Variants in DTX1 observed in about 807,000 individuals in gnomAD.
DTX1 encodes the protein E3 ubiquitin-protein ligase DTX1.
In DTX1, 26 loss-of-function variants were observed where a neutral mutation model predicts 57.8. The observed-to-expected ratio is 0.45, with a 90% CI of 0.33 to 0.62. The LOEUF (loss-of-function observed/expected upper bound fraction) is 0.62, where lower values mean the gene tolerates loss of function less well. Ranked by LOEUF, DTX1 falls within the 20% of genes least tolerant of loss-of-function variation. The pLI is 0.02. For synonymous variants in DTX1, 398 were observed against 394.1 expected (o/e 1.01, Z -0.12); for missense variants, 704 against 895.3 (o/e 0.79, Z 2.73).
intron 3 of DTX1, among the ~76,000 whole-genome samples, chr12:113,086,381 G>A (rs113226560): frequency 7.2e-4 from 110 of 152,332 alleles, no homozygotes; most frequent in African/African-American, 2.6e-3. Context: ...GGCCAGTGTG[G>A]TTGGAGAGGC....
intron 3 of DTX1, among the ~76,000 whole-genome samples, chr12:113,080,221 G>A (rs531207256): frequency 1.3e-5 from 2 of 152,332 alleles, no homozygotes; most frequent in East Asian, 3.9e-4. Flanking sequence ...GCAGACTTGA[G>A]GGGGTCAAAG....
intron 3 of DTX1, among the ~76,000 whole-genome samples, chr12:113,085,289 A>G (rs779298324): frequency 5.3e-5 from 8 of 152,106 alleles, no homozygotes; most frequent in African/African-American, 1.9e-4. Context: ...ACCTCAAGCA[A>G]TCCACCCACC....
chr12:113,062,980 G>A (rs1049801262), intron 2 of DTX1, among the ~76,000 whole-genome samples: 4 of 152,368 alleles, frequency 2.6e-5, no homozygotes, highest in African/African-American at 9.6e-5. Context: ...CCCTGAGCTG[G>A]ATGATGTTAG....
intron 3 of DTX1, among the ~76,000 whole-genome samples, chr12:113,092,890 G>T (rs1228124936): frequency 1.3e-5 from 2 of 152,224 alleles, no homozygotes; most frequent in Non-Finnish European, 2.9e-5. Context: ...GCGCCCTCTC[G>T]AGGGAGGAGC....
chr12:113,066,833 G>A (rs1371894268), intron 2 of DTX1, among the ~76,000 whole-genome samples: 1 of 152,090 alleles, frequency 6.6e-6, no homozygotes, highest in Non-Finnish European at 1.5e-5. Flanking sequence ...CAGGAGGCCA[G>A]GCGCCAAGGA....
intron 2 of DTX1, among the ~76,000 whole-genome samples, chr12:113,065,584 A>G (rs1346177998): frequency 1.3e-5 from 2 of 152,028 alleles, no homozygotes; most frequent in Non-Finnish European, 2.9e-5. Context: ...TCATTCTTCC[A>G]AAGGAGCTGC....
At chr12:113,080,269 TAG>T (rs376402916) in intron 3 of DTX1, among the ~76,000 whole-genome samples, 133 of 152,084 alleles carry the variant, frequency 8.7e-4, no homozygotes, top group African/African-American at 2.7e-3. Context: ...AGCTGCAGGA[TAG>T]AGTCACTGAG....
At position 113,056,836 on chromosome 12, in the gene DTX1, G is replaced by A. The variant is rs978907837; in HGVS notation, c.-853G>A. Reference sequence around the variant, plus strand: ...GCGCGGCGGCCGAGGGGCCTGGGAGGGAACGGGCGCGGAGGCGGGACCGCG... The same window carrying A: ...GCGCGGCGGCCGAGGGGCCTGGGAGAGAACGGGCGCGGAGGCGGGACCGCG... On this transcript the variant is annotated 5_prime_UTR_variant, in exon 1 of 10. Transcript: ENST00000548759. 2.6e-5 allele frequency: 4 copies of A among 152,290 alleles called. No homozygotes were observed. Among genetic ancestry groups the A allele is most frequent in the Admixed American group, 1.3e-4 (2 of 15,306 alleles). The allele number at this position is 152,290 out of a possible 1,614,324, so 9.4% of individuals were successfully genotyped here.
At chr12:113,084,259 A>T (rs2044839372) in intron 3 of DTX1, among the ~76,000 whole-genome samples, 1 of 152,194 alleles carries the variant, frequency 6.6e-6, no homozygotes, top group African/African-American at 2.4e-5. Context: ...GTGCGTTGGA[A>T]CACAGCTGTG....
chr12:113,061,193 CT>C (rs1016016193), intron 2 of DTX1, among the ~76,000 whole-genome samples: 3 of 152,144 alleles, frequency 2.0e-5, no homozygotes, highest in East Asian at 1.9e-4. Flanking sequence ...CACCTGCCCC[CT>C]GTTTGCCGGA....
At chr12:113,073,424 G>C (rs1192474808) in intron 2 of DTX1, among the ~76,000 whole-genome samples, 1 of 152,202 alleles carries the variant, frequency 6.6e-6, no homozygotes, top group Non-Finnish European at 1.5e-5. Flanking sequence ...TCAGGCATCA[G>C]AGTGAGGCTG....
In DTX1 at chr12:113,076,236, A is replaced by G. The variant is rs937124882; in HGVS notation, c.260-1188A>G. Among the ~76,000 whole-genome samples, 9 of 152,044 alleles carry G rather than the reference A, an allele frequency of 5.9e-5. 1 individual carries two copies. Among genetic ancestry groups the G allele is most frequent in the Admixed American group, 5.9e-4 (9 of 15,238 alleles). ...CACTTTGGGAGGCTGAGGTGGGTGG[A>G]TCACCTGAGGTCAGGAGTTCGAGAC... On this transcript the variant is annotated intron_variant, in intron 2 of 9. Coordinates refer to ENST00000548759, the MANE Select transcript of DTX1 (RefSeq NM_004416.3).
intron 6 of DTX1, 92 bp downstream of exon 6, chr12:113,094,191 C>A: frequency 8.3e-7 from 1 of 1,199,986 alleles, no homozygotes; most frequent in Non-Finnish European, 1.2e-6. Context: ...TGATACAGAG[C>A]TCTTCTAGTT....
chr12:113,069,870 G>A (rs575066409), intron 2 of DTX1, among the ~76,000 whole-genome samples: 49 of 152,300 alleles, frequency 3.2e-4, no homozygotes, highest in Non-Finnish European at 5.7e-4. Flanking sequence ...GGAGACAGGT[G>A]AGCAGCCATG....
rs3741985 is a variant in DTX1, at chr12:113,057,821, G to C, written c.-372G>C. The C allele has an allele frequency of 0.66, 139,548 of 211,558 alleles. 47,471 individuals carry two copies. Among genetic ancestry groups the C allele is most frequent in the Middle Eastern group, 0.73 (387 of 532 alleles). The allele number at this position is 211,558 out of a possible 1,614,324, so 13.1% of individuals were successfully genotyped here. On this transcript the variant is annotated 5_prime_UTR_variant, in exon 2 of 10. Coordinates refer to ENST00000548759, the MANE Select transcript of DTX1 (RefSeq NM_004416.3). ...GTGACAGGCCCTGTCTGGCGGGGAA[G>C]AGGGACCAAGAGACAACACGGAAGA...
chr12:113,083,168 T>C (rs1010397599), intron 3 of DTX1, among the ~76,000 whole-genome samples: 1 of 152,166 alleles, frequency 6.6e-6, no homozygotes, highest in Non-Finnish European at 1.5e-5. Flanking sequence ...TTAGGGCCCA[T>C]CCTAGTGACC....
At position 113,093,833 on chromosome 12, in the gene DTX1, G is replaced by A; in HGVS notation, c.1165+133G>A. ...CCATTGCCTGATCTCAGCTCCCCTT[G>A]CCCTGGCCCCATCTTTCACCAGCTC... On this transcript the variant is annotated intron_variant, in intron 5 of 9. Transcript: ENST00000548759. The surrounding 1 kb of genome is among the most constrained non-coding windows in gnomAD (Gnocchi z 4.2). 2 of 1,451,530 alleles carry A rather than the reference G, an allele frequency of 1.4e-6. No individual in the cohort carries two copies. Among genetic ancestry groups the A allele is most frequent in the Non-Finnish European group, 1.9e-6 (2 of 1,068,596 alleles). The allele number at this position is 1,451,530 out of a possible 1,614,324, so 89.9% of individuals were successfully genotyped here. A position where few individuals can be genotyped will look rare whatever the true frequency, so the allele number is the denominator to read the frequency against.
In DTX1 at chr12:113,097,300, C is replaced by T. The variant is rs1183538039; in HGVS notation, c.*361C>T. On this transcript the variant is annotated 3_prime_UTR_variant, in exon 10 of 10. Coordinates refer to ENST00000548759, the MANE Select transcript of DTX1 (RefSeq NM_004416.3). The stretch of plus-strand genomic sequence containing the variant: ...AGAAGAGACAGAAAGACCCCATGAC[C>T]CCCCCATGTGGATCCCCATCTGTGT... The T allele has an allele frequency of 8.5e-6, 2 of 235,978 alleles. No homozygotes were observed. Among genetic ancestry groups the T allele is most frequent in the African/African-American group, 4.5e-5 (2 of 44,140 alleles). The allele number at this position is 235,978 out of a possible 1,614,324, so 14.6% of individuals were successfully genotyped here.
chr12:113,078,162 C>G, intron 3 of DTX1, 57 bp downstream of exon 3: 1 of 1,268,082 alleles, frequency 7.9e-7, no homozygotes, highest in Non-Finnish European at 1.0e-6. Context: ...AAGGACGAAG[C>G]CCGGGGGTGG....
Sources: allele counts gnomAD v4.1 joint callset (sites outside exome capture counted in the v4.1 genomes callset), GRCh38; gene constraint gnomAD v4.1.1; non-coding constraint Gnocchi (gnomAD v3.1); transcripts MANE v1.5; gene names NCBI Gene and HGNC (gene_info 2026-07-23, HGNC 2026-07-21).